Variants in KDM5A observed in about 807,000 individuals in gnomAD.
KDM5A encodes the protein lysine demethylase 5A, also known as lysine-specific demethylase 5A.
Under a neutral mutation model 193.5 loss-of-function variants are expected in KDM5A, and 42 were observed. The ratio of observed to expected loss-of-function variants is 0.22; its 90% CI spans 0.17 to 0.28. KDM5A has a LOEUF of 0.28. Ranked by LOEUF, KDM5A falls within the 10% of genes least tolerant of loss-of-function variation. The pLI is 1.00. For missense variants in KDM5A, 1,692 were observed against 2,055.1 expected, an observed-to-expected ratio of 0.82 and a Z score of 3.42; for synonymous variants, 796 against 718.1, an observed-to-expected ratio of 1.11 and a Z score of -1.73.
At chr12:388,173 C>G (rs571233115) in intron 1 of KDM5A, 3 of 398,442 alleles carry the variant, frequency 7.5e-6, no homozygotes, top group East Asian at 1.4e-4. Flanking sequence ...CTTGAGTAAT[C>G]ACTCAACCTC....
intron 27 of KDM5A, among the ~76,000 whole-genome samples, chr12:292,124 G>C (rs144733318): frequency 1.5e-3 from 222 of 152,184 alleles, no homozygotes; most frequent in African/African-American, 5.2e-3. Context: ...GGCTGGTCTC[G>C]AACTCCTCAC....
In KDM5A at chr12:313,169, C is replaced by T. The variant is rs1352302092; in HGVS notation, c.2923G>A (p.Glu975Lys). The change falls in exon 20 of 28, where the codon GAA (glutamate) becomes AAA (lysine). Residue 975 changes from glutamate (E) to lysine (K), a missense_variant. By Grantham distance (56) the Glu-to-Lys change is moderately conservative. Transcript: ENST00000399788. The part of the protein sequence containing the change: ...ARPRHSVASL[E>K]SIVNEAKNIP... ...TTCTTGGCTTCATTCACAATGCTTT[C>T]TAAACTTGCCACACTGTGCCTCGGT... 2 of 1,613,952 alleles carry T rather than the reference C, an allele frequency of 1.2e-6. No individual in the cohort carries two copies. The highest frequency in any genetic ancestry group is 1.7e-6 in the Non-Finnish European group (2 of 1,179,992).
chr12:333,423 AAAAAG>A, intron 12 of KDM5A, 59 bp downstream of exon 12: 1 of 1,591,122 alleles, frequency 6.3e-7, no homozygotes, highest in East Asian at 2.2e-5. Flanking sequence ...TGTTTCAAAA[AAAAAG>A]AAAAAAGAAA....
At chr12:310,451 G>A (rs1221535486) in intron 21 of KDM5A, among the ~76,000 whole-genome samples, 1 of 152,086 alleles carries the variant, frequency 6.6e-6, no homozygotes, top group African/African-American at 2.4e-5. Flanking sequence ...CAGGCAACAT[G>A]ATGAAATCCC....
intron 6 of KDM5A, among the ~76,000 whole-genome samples, chr12:355,589 AGACTGTT>A (rs1286654671): frequency 1.3e-5 from 2 of 152,240 alleles, no homozygotes; most frequent in East Asian, 3.8e-4. Context: ...CTAATTTCTA[AGACTGTT>A]GACAGCCAAT....
At chr12:290,277 T>C (rs1314065078) in intron 27 of KDM5A, among the ~76,000 whole-genome samples, 1 of 152,176 alleles carries the variant, frequency 6.6e-6, no homozygotes, top group Non-Finnish European at 1.5e-5. Flanking sequence ...GGAACAAACA[T>C]GTAGAACCAT....
chr12:305,969 G>T (rs918992414), intron 24 of KDM5A, among the ~76,000 whole-genome samples: 31 of 104,198 alleles, frequency 3.0e-4, no homozygotes, highest in Non-Finnish European at 3.5e-4. Flanking sequence ...CAATGGAAGT[G>T]TTTTTTTTTT....
chr12:344,425 A>G (rs570930644), intron 10 of KDM5A, among the ~76,000 whole-genome samples: 10 of 152,202 alleles, frequency 6.6e-5, no homozygotes, highest in East Asian at 5.8e-4. Context: ...ACACCACAAA[A>G]ATACTCCTTG....
intron 10 of KDM5A, among the ~76,000 whole-genome samples, chr12:345,086 T>G (rs916205843): frequency 1.4e-5 from 2 of 147,666 alleles, no homozygotes; most frequent in African/African-American, 2.5e-5. Flanking sequence ...ACCAAACAAA[T>G]AGAAAGCAAA....
In KDM5A at chr12:360,362, T is replaced by C. The variant is rs539026181; in HGVS notation, c.672+2601A>G. Among the ~76,000 whole-genome samples, 85 of 151,228 alleles carry C rather than the reference T, an allele frequency of 5.6e-4. 1 individual carries two copies. The highest frequency in any genetic ancestry group is 2.5e-4 in the Non-Finnish European group (17 of 67,828). ...ATGAGACAGCTAAGGAGAGTGAAGA[T>C]AGAAAAGGACCAAAGATACAAAATA... On this transcript the variant is annotated intron_variant, in intron 5 of 27. Transcript: ENST00000399788.
At chr12:306,441 A>G (rs1258795073) in intron 24 of KDM5A, among the ~76,000 whole-genome samples, 1 of 152,110 alleles carries the variant, frequency 6.6e-6, no homozygotes, top group East Asian at 1.9e-4. Flanking sequence ...TTTTAATTCT[A>G]TTTTTTAAAA....
At chr12:317,631 A>G (rs142157689) in intron 19 of KDM5A, among the ~76,000 whole-genome samples, 153 of 152,362 alleles carry the variant, frequency 1.0e-3, no homozygotes, top group African/African-American at 3.5e-3. Context: ...CAGGGAAGGC[A>G]CAAAACATTT....
intron 3 of KDM5A, among the ~76,000 whole-genome samples, chr12:382,449 G>C (rs1431964615): frequency 6.7e-6 from 1 of 149,360 alleles, no homozygotes; most frequent in Non-Finnish European, 1.5e-5. Flanking sequence ...GGCAACAAGG[G>C]CGTGACTCCA....
rs1344725414 is a variant in KDM5A, at chr12:328,940, T to C, written c.1863A>G (p.Ala621=). ...FSHEELIFKM[A]ADPECLDVGL... ...CCACATCTAAGCATTCTGGATCTGC[T>C]GCCATCTTGAAAATTAGTTCCTCGT... Residue 621 remains alanine, a synonymous_variant, in exon 14 of 28, where the codon GCA becomes GCG. Coordinates refer to ENST00000399788, the MANE Select transcript of KDM5A (RefSeq NM_001042603.3). 28 of 1,614,130 alleles carry C rather than the reference T, an allele frequency of 1.7e-5. No homozygotes were observed. Among genetic ancestry groups the C allele is most frequent in the Non-Finnish European group, 2.0e-5 (24 of 1,180,042 alleles).
rs977302729 is a variant in KDM5A at position 283,159 on chromosome 12, G to C, written c.*2297C>G. 3 of 231,000 alleles carry C rather than the reference G, an allele frequency of 1.3e-5. No homozygotes were observed. Among genetic ancestry groups the C allele is most frequent in the African/African-American group, 6.6e-5 (3 of 45,242 alleles). The allele number at this position is 231,000 out of a possible 1,614,324, so 14.3% of individuals were successfully genotyped here. A position where few individuals can be genotyped will look rare whatever the true frequency, so the allele number is the denominator to read the frequency against. On this transcript the variant is annotated 3_prime_UTR_variant, in exon 28 of 28. Coordinates refer to ENST00000399788, the MANE Select transcript of KDM5A (RefSeq NM_001042603.3). ...GGAAGGAAAAATAAAAATTTTAAAT[G>C]TATTCCAGGCATCTGTCACTTAAAA...
chr12:328,683 A>T (rs1160465943), intron 14 of KDM5A, 152 bp downstream of exon 14: 2 of 696,518 alleles, frequency 2.9e-6, no homozygotes, highest in Non-Finnish European at 4.8e-6. Flanking sequence ...GGAGAAATCA[A>T]TATGTCAATT....
intron 10 of KDM5A, among the ~76,000 whole-genome samples, chr12:338,899 G>A (rs752887227): frequency 2.0e-5 from 3 of 152,128 alleles, no homozygotes; most frequent in East Asian, 1.9e-4. Context: ...CACAACTTCC[G>A]GCAGGCGCAG....
At chr12:335,405 T>G (rs1943916203) in intron 10 of KDM5A, among the ~76,000 whole-genome samples, 1 of 152,240 alleles carries the variant, frequency 6.6e-6, no homozygotes, top group African/African-American at 2.4e-5. Context: ...ATTTGTCTTT[T>G]TCACTTACAT....
At position 283,777 on chromosome 12, in the gene KDM5A, CCAGA is replaced by C. The variant is rs1943182913; in HGVS notation, c.*1675_*1678del. On this transcript the variant is annotated 3_prime_UTR_variant, in exon 28 of 28. Transcript: ENST00000399788. ...ATTTTTTTAAACCAAAATAAAGACA[CCAGA>C]CAGTGATGACAAAACACTATTTTTA... 7 of 232,336 alleles carry C rather than the reference CCAGA, an allele frequency of 3.0e-5. No homozygotes were observed. Among genetic ancestry groups the C allele is most frequent in the East Asian group, 2.4e-4 (4 of 16,512 alleles). 14.4% of individuals were successfully genotyped at this position (232,336 alleles called of 1,614,324 possible).
Sources: gnomAD v4.1 joint callset for allele counts (sites outside exome capture counted in the v4.1 genomes callset) on GRCh38, gnomAD v4.1.1 for gene constraint, MANE v1.5 for transcripts, NCBI Gene and HGNC (gene_info 2026-07-23, HGNC 2026-07-21) for gene names.